AKAP12: variants seen among roughly 807,000 people sequenced by gnomAD.
The protein encoded by AKAP12 is A-kinase anchoring protein 12.
A neutral mutation model predicts 79.9 loss-of-function variants in AKAP12; 32 were observed. That is an observed-to-expected ratio of 0.40 (90% CI 0.30 to 0.54). AKAP12 has a LOEUF of 0.54. Among genes scored for constraint, AKAP12 ranks in the 20% least tolerant of loss-of-function variants. The probability of loss-of-function intolerance (pLI) is 0.48; values close to 1 mark genes in which losing one functional copy is unlikely to be tolerated. For synonymous variants in AKAP12, 808 were observed against 857.0 expected (o/e 0.94, Z 1.00); for missense variants, 2,074 against 2,177.0 (o/e 0.95, Z 0.94).
intron 2 of AKAP12, chr6:151,298,983 G>A (rs1000255521): frequency 2.0e-5 from 3 of 152,288 alleles, no homozygotes; most frequent in Non-Finnish European, 4.4e-5. Flanking sequence ...AAGATATGAG[G>A]GAGGTAAGAA....
At chr6:151,345,201 G>A (rs1263416824) in intron 3 of AKAP12, among the ~76,000 whole-genome samples, 7 of 151,670 alleles carry the variant, frequency 4.6e-5, no homozygotes, top group African/African-American at 1.5e-4. Flanking sequence ...TCAGTCTCCT[G>A]AGTAGCTGGG....
chr6:151,270,299 C>G (rs1052975445), intron 2 of AKAP12, among the ~76,000 whole-genome samples: 1 of 152,228 alleles, frequency 6.6e-6, no homozygotes. Context: ...CTCAGGTGAT[C>G]TGCCCGCCTC....
chr6:151,240,237 A>T, intron 1 of AKAP12, 147 bp from the exon 2 acceptor site: 1 of 200,892 alleles, frequency 5.0e-6, no homozygotes, highest in Non-Finnish European at 9.9e-6. Flanking sequence ...GGCGCGTCGC[A>T]GCGCCTCTGG....
intron 2 of AKAP12, among the ~76,000 whole-genome samples, chr6:151,268,033 A>G (rs1389654572): frequency 6.6e-6 from 1 of 152,028 alleles, no homozygotes; most frequent in East Asian, 1.9e-4. Context: ...CAGATGCCAT[A>G]CCCTTCCATC....
rs150278273 is a variant in AKAP12 at position 151,314,061 on chromosome 6, G to A, written c.319+8158G>A. ...TTTTTTTTTCGGAGACAGAGTCTCC[G>A]AACTCTCCCAGGCTGAAGTACAGTG... On this transcript the variant is annotated intron_variant, in intron 3 of 4. Coordinates refer to ENST00000402676, the MANE Select transcript of AKAP12 (RefSeq NM_005100.4). 2.3e-3 allele frequency among the ~76,000 whole-genome samples: 340 copies of A among 145,514 alleles called. 1 individual carries two copies. The highest frequency in any genetic ancestry group is 8.4e-3 in the African/African-American group (323 of 38,632).
intron 2 of AKAP12, among the ~76,000 whole-genome samples, chr6:151,258,067 A>G (rs902892134): frequency 6.6e-6 from 1 of 152,230 alleles, no homozygotes; most frequent in Non-Finnish European, 1.5e-5. Flanking sequence ...ACTTATGCCT[A>G]CAAACTCTCC....
rs200765443 is a variant in AKAP12 at position 151,351,402 on chromosome 6, C to T, written c.3011C>T (p.Ser1004Leu). ...SAAEETTEMV[S>L]AVSQLTDSPD... ...GCTGAAGAGACCACAGAAATGGTGT[C>T]AGCAGTCTCCCAGTTAACCGACTCC... The change falls in exon 4 of 5, where the codon TCA becomes TTA. Residue 1004 changes from serine to leucine, a missense_variant. Ser to Leu is a moderately radical substitution (Grantham distance 145, BLOSUM62 -2). This residue lies in a region of AKAP12 where 1,428 missense variants were observed against 1,451.0 expected (regional missense o/e 0.98). Coordinates refer to ENST00000402676, the MANE Select transcript of AKAP12 (RefSeq NM_005100.4). This position sits in a 1 kb window ranked among gnomAD's most constrained non-coding sequence, Gnocchi z 4.4. The T allele has an allele frequency of 1.6e-4, 261 of 1,614,096 alleles. No homozygotes were observed. The highest frequency in any genetic ancestry group is 2.1e-4 in the Non-Finnish European group (243 of 1,180,048).
chr6:151,244,567 G>A (rs1343870140), intron 2 of AKAP12, among the ~76,000 whole-genome samples: 3 of 151,936 alleles, frequency 2.0e-5, no homozygotes, highest in Non-Finnish European at 4.4e-5. Context: ...CAATTGAGGC[G>A]GCCAGCTGCA....
chr6:151,289,933 T>C (rs1394394117), intron 2 of AKAP12, among the ~76,000 whole-genome samples: 1 of 152,216 alleles, frequency 6.6e-6, no homozygotes, highest in African/African-American at 2.4e-5. Context: ...AATTCTTTCC[T>C]CCTTGGGTAA....
chr6:151,278,201 G>T (rs556555723), intron 2 of AKAP12, among the ~76,000 whole-genome samples: 56 of 127,170 alleles, frequency 4.4e-4, no homozygotes, highest in Non-Finnish European at 7.5e-4. Flanking sequence ...TGTTTTTTTT[G>T]GTTTTTTGTT....
At chr6:151,240,966 C>T (rs1796962031) in intron 2 of AKAP12, among the ~76,000 whole-genome samples, 1 of 152,138 alleles carries the variant, frequency 6.6e-6, no homozygotes, top group Non-Finnish European at 1.5e-5. Context: ...CCAGGGGAGG[C>T]GACTGCGCCA....
chr6:151,294,852 G>C (rs1288293112), intron 2 of AKAP12, among the ~76,000 whole-genome samples: 1 of 152,204 alleles, frequency 6.6e-6, no homozygotes, highest in African/African-American at 2.4e-5. Flanking sequence ...GCATGCATCC[G>C]TGGTGTCTTT....
At chr6:151,272,321 A>G (rs1205783687) in intron 2 of AKAP12, among the ~76,000 whole-genome samples, 2 of 140,028 alleles carry the variant, frequency 1.4e-5, no homozygotes, top group Non-Finnish European at 3.0e-5. Flanking sequence ...CTCCAGCCTG[A>G]GTGACACAGT....
At chr6:151,242,338 TTC>T (rs71556209) in intron 2 of AKAP12, among the ~76,000 whole-genome samples, 48,710 of 151,992 alleles carry the variant, frequency 0.32, 8,799 homozygotes, top group Non-Finnish European at 0.4. Flanking sequence ...ATTCCTTCCA[TTC>T]TCTTTTTCCG....
chr6:151,248,128 G>A (rs943035710), intron 2 of AKAP12, among the ~76,000 whole-genome samples: 2 of 152,166 alleles, frequency 1.3e-5, no homozygotes, highest in African/African-American at 4.8e-5. Flanking sequence ...TGGGAGTATT[G>A]AAGGATTAAA....
chr6:151,241,101 C>T (rs565831187), intron 2 of AKAP12, among the ~76,000 whole-genome samples: 2 of 152,198 alleles, frequency 1.3e-5, no homozygotes, highest in Non-Finnish European at 2.9e-5. Context: ...GAATGGACCC[C>T]GGGCCGGGCC....
intron 2 of AKAP12, among the ~76,000 whole-genome samples, chr6:151,283,833 G>A (rs970744963): frequency 6.6e-6 from 1 of 152,084 alleles, no homozygotes; most frequent in East Asian, 1.9e-4. Context: ...TTCTTTTTCC[G>A]TTGGCAAGTC....
chr6:151,265,494 A>T (rs1177574334), intron 2 of AKAP12, among the ~76,000 whole-genome samples: 1 of 152,248 alleles, frequency 6.6e-6, no homozygotes, highest in Non-Finnish European at 1.5e-5. Context: ...TTGAACTTTA[A>T]ATAGTCACTG....
intron 2 of AKAP12, among the ~76,000 whole-genome samples, chr6:151,267,496 A>G (rs1426230788): frequency 1.3e-5 from 2 of 152,226 alleles, no homozygotes; most frequent in East Asian, 3.9e-4. Context: ...AAGCATCAGT[A>G]GACACATCAC....
Sources: gnomAD v4.1 joint callset for allele counts (sites outside exome capture counted in the v4.1 genomes callset) on GRCh38, gnomAD v4.1.1 for gene constraint, gnomAD v4.1.1 regional missense constraint, Gnocchi (gnomAD v3.1) non-coding constraint, MANE v1.5 for transcripts, NCBI Gene and HGNC (gene_info 2026-07-23, HGNC 2026-07-21) for gene names.